The following SEMA6D variants were observed in gnomAD, a reference collection of about 807,000 sequenced individuals.
SEMA6D encodes semaphorin 6D.
In SEMA6D, 35 loss-of-function variants were observed where a neutral mutation model predicts 106.6. The ratio of observed to expected loss-of-function variants is 0.33; its 90% CI spans 0.25 to 0.44. The LOEUF (loss-of-function observed/expected upper bound fraction) is 0.44, where lower values mean the gene tolerates loss of function less well. SEMA6D is among the 20% of genes least tolerant of loss of function. The probability of loss-of-function intolerance (pLI) is 1.00; values close to 1 mark genes in which losing one functional copy is unlikely to be tolerated. For missense variants in SEMA6D, 1,185 were observed against 1,345.9 expected, an observed-to-expected ratio of 0.88 and a Z score of 1.87; for synonymous variants, 499 against 487.7, an observed-to-expected ratio of 1.02 and a Z score of -0.31.
At chr15:47,555,546 G>T (rs893987721) in intron 3 of SEMA6D, among the ~76,000 whole-genome samples, 2 of 152,104 alleles carry the variant, frequency 1.3e-5, no homozygotes, top group Non-Finnish European at 2.9e-5. Context: ...AACATTATGT[G>T]GGTATGTGTA....
At chr15:47,415,796 T>C (rs1447601959) in intron 2 of SEMA6D, among the ~76,000 whole-genome samples, 1 of 152,260 alleles carries the variant, frequency 6.6e-6, no homozygotes, top group Admixed American at 6.5e-5. Context: ...TCTTTGCCCT[T>C]GCAAAGAACT....
intron 4 of SEMA6D, among the ~76,000 whole-genome samples, chr15:47,700,807 G>A (rs1382256150): frequency 6.6e-6 from 1 of 152,090 alleles, no homozygotes; most frequent in Non-Finnish European, 1.5e-5. Context: ...TAGGTCAATG[G>A]AATGGAATGG....
chr15:47,556,547 G>A (rs953285558), intron 3 of SEMA6D, among the ~76,000 whole-genome samples: 1 of 152,030 alleles, frequency 6.6e-6, no homozygotes, highest in African/African-American at 2.4e-5. Context: ...ATGTTTCTTG[G>A]CCTTCCTAGT....
chr15:47,185,818 G>C (rs982415236), intron 1 of SEMA6D: 1 of 152,068 alleles, frequency 6.6e-6, no homozygotes, highest in East Asian at 1.9e-4. Flanking sequence ...AATTACAATG[G>C]TATCACCTGT....
intron 3 of SEMA6D, among the ~76,000 whole-genome samples, chr15:47,574,618 G>A (rs540264129): frequency 2.0e-5 from 3 of 152,160 alleles, no homozygotes; most frequent in Admixed American, 1.3e-4. Flanking sequence ...CTAAAGAACA[G>A]TTATCTTTTG....
chr15:47,336,237 G>C (rs2037550185), intron 1 of SEMA6D, among the ~76,000 whole-genome samples: 1 of 152,172 alleles, frequency 6.6e-6, no homozygotes, highest in South Asian at 2.1e-4. Context: ...CGTGGGAATG[G>C]ACATGGTAAC....
chr15:47,763,210 T>A, intron 9 of SEMA6D, 106 bp downstream of exon 9: 1 of 802,698 alleles, frequency 1.2e-6, no homozygotes, highest in Non-Finnish European at 1.9e-6. Flanking sequence ...AGCTCTCAAT[T>A]CAGTATACAT....
At chr15:47,504,728 C>T (rs1407974908) in intron 3 of SEMA6D, among the ~76,000 whole-genome samples, 2 of 152,154 alleles carry the variant, frequency 1.3e-5, no homozygotes, top group Admixed American at 6.5e-5. Flanking sequence ...CAAACACACA[C>T]AGGCAATCAT....
chr15:47,297,600 G>A (rs567969108), intron 1 of SEMA6D, among the ~76,000 whole-genome samples: 1 of 152,112 alleles, frequency 6.6e-6, no homozygotes, highest in Non-Finnish European at 1.5e-5. Flanking sequence ...ACTGGCCCAG[G>A]TGCTGTGGCC....
At chr15:47,380,097 A>C (rs2039586734) in intron 1 of SEMA6D, among the ~76,000 whole-genome samples, 1 of 152,196 alleles carries the variant, frequency 6.6e-6, no homozygotes, top group Admixed American at 6.5e-5. Flanking sequence ...ACATTTAGAA[A>C]TATAGAAGAA....
intron 4 of SEMA6D, among the ~76,000 whole-genome samples, chr15:47,633,247 T>A (rs11633372): frequency 0.2 from 30,556 of 152,012 alleles, 3,792 homozygotes; most frequent in Non-Finnish European, 0.27. Flanking sequence ...TTCCAAACTT[T>A]CTTCTGTTAT....
chr15:47,644,213 A>G (rs932320358), intron 4 of SEMA6D, among the ~76,000 whole-genome samples: 10 of 152,216 alleles, frequency 6.6e-5, no homozygotes, highest in African/African-American at 2.4e-4. Flanking sequence ...CATGTAATTT[A>G]AAAAAATCAG....
At chr15:47,316,303 G>C (rs1232051331) in intron 1 of SEMA6D, among the ~76,000 whole-genome samples, 1 of 151,636 alleles carries the variant, frequency 6.6e-6, no homozygotes, top group Non-Finnish European at 1.5e-5. Flanking sequence ...TGTTGGCCAG[G>C]CTGGTCTCGA....
At chr15:47,573,766 C>T (rs2076107219) in intron 3 of SEMA6D, among the ~76,000 whole-genome samples, 1 of 152,172 alleles carries the variant, frequency 6.6e-6, no homozygotes, top group Non-Finnish European at 1.5e-5. Context: ...TTGAAATTTC[C>T]ACAGGAATCA....
chr15:47,269,503 A>G (rs947522705), intron 1 of SEMA6D, among the ~76,000 whole-genome samples: 2 of 152,138 alleles, frequency 1.3e-5, no homozygotes, highest in African/African-American at 4.8e-5. Flanking sequence ...ACACTGTTTT[A>G]TCTTACTGTA....
chr15:47,469,239 T>C (rs890928771), intron 2 of SEMA6D, among the ~76,000 whole-genome samples: 5 of 152,072 alleles, frequency 3.3e-5, no homozygotes, highest in African/African-American at 9.7e-5. Context: ...GTGCACCCCC[T>C]TATTGCCCCA....
rs1427594595 is a variant in SEMA6D at position 47,355,491 on chromosome 15, T to A, written c.-238-56902T>A. ...ATTTGAGGATTGGCAGAGTAAAGACTGCGTGTGTGTATGTGTGAGAAAGAG... is the reference window on the plus strand; with the variant it reads ...ATTTGAGGATTGGCAGAGTAAAGACAGCGTGTGTGTATGTGTGAGAAAGAG... On this transcript the variant is annotated intron_variant, in intron 1 of 19. Transcript: ENST00000558014. 2.6e-5 allele frequency among the ~76,000 whole-genome samples: 4 copies of A among 152,296 alleles called. No individual in the cohort carries two copies. In the East Asian group the frequency reaches 7.7e-4, roughly 29 times the overall value.
chr15:47,499,627 C>T (rs1336579918), intron 3 of SEMA6D, among the ~76,000 whole-genome samples: 2 of 152,078 alleles, frequency 1.3e-5, no homozygotes, highest in Non-Finnish European at 2.9e-5. Context: ...TTTTAAGTCA[C>T]ATGTTATTTC....
At chr15:47,654,249 G>A (rs571803889) in intron 4 of SEMA6D, among the ~76,000 whole-genome samples, 3 of 152,172 alleles carry the variant, frequency 2.0e-5, no homozygotes, top group South Asian at 2.1e-4. Flanking sequence ...CAATCAATGC[G>A]GAGCTTAGGT....
Sources: gnomAD v4.1 joint callset for allele counts (sites outside exome capture counted in the v4.1 genomes callset) on GRCh38, gnomAD v4.1.1 for gene constraint, MANE v1.5 for transcripts, NCBI Gene and HGNC (gene_info 2026-07-23, HGNC 2026-07-21) for gene names.